Variants in ZNF385D observed in about 807,000 individuals in gnomAD.
ZNF385D encodes the protein zinc finger protein 385D.
Under a neutral mutation model 35.8 loss-of-function variants are expected in ZNF385D, and 15 were observed. That is an observed-to-expected ratio of 0.42 (90% CI 0.28 to 0.64). The LOEUF is 0.64. ZNF385D is among the 30% of genes least tolerant of loss of function. The pLI, the probability that ZNF385D is intolerant of heterozygous loss-of-function variation, is 0.23. For missense variants in ZNF385D, 474 were observed against 494.6 expected (o/e 0.96, Z 0.39); for synonymous variants, 212 against 186.8 (o/e 1.13, Z -1.10).
At chr3:21,708,707 T>C (rs2067994348) in intron 1 of ZNF385D, among the ~76,000 whole-genome samples, 1 of 152,246 alleles carries the variant, frequency 6.6e-6, no homozygotes, top group Admixed American at 6.5e-5. Flanking sequence ...CTCATTCTAA[T>C]ATTTTTATTT....
chr3:22,116,354 T>C (rs1002345324), intron 3 of ZNF385D, among the ~76,000 whole-genome samples: 1 of 152,032 alleles, frequency 6.6e-6, no homozygotes, highest in South Asian at 2.1e-4. Flanking sequence ...ACATACTCCT[T>C]TTTTCCATTA....
chr3:22,173,850 C>G (rs984440408), intron 2 of ZNF385D, among the ~76,000 whole-genome samples: 1 of 152,120 alleles, frequency 6.6e-6, no homozygotes, highest in Non-Finnish European at 1.5e-5. Flanking sequence ...AGAAAAGAAA[C>G]GGTTGAGGGT....
intron 3 of ZNF385D, among the ~76,000 whole-genome samples, chr3:21,792,650 A>G (rs2071978038): frequency 1.3e-5 from 2 of 152,142 alleles, no homozygotes; most frequent in African/African-American, 2.4e-5. Context: ...CCAGGGGGCC[A>G]TGCAGGAGAC....
At chr3:21,668,744 T>C (rs959377884) in intron 1 of ZNF385D, among the ~76,000 whole-genome samples, 4 of 152,170 alleles carry the variant, frequency 2.6e-5, no homozygotes, top group Non-Finnish European at 4.4e-5. Context: ...TATTTGCAAA[T>C]AGTGCAAAAT....
At chr3:21,705,365 G>C (rs2067857769) in intron 1 of ZNF385D, among the ~76,000 whole-genome samples, 1 of 152,134 alleles carries the variant, frequency 6.6e-6, no homozygotes, top group Admixed American at 6.5e-5. Flanking sequence ...AGAAAGGGCA[G>C]CAAGTTCTCC....
At chr3:21,760,301 C>A (rs368605534) in intron 3 of ZNF385D, among the ~76,000 whole-genome samples, 2 of 152,154 alleles carry the variant, frequency 1.3e-5, no homozygotes, top group African/African-American at 4.8e-5. Flanking sequence ...CACAGCCATA[C>A]GTGAATACAA....
At chr3:21,517,686 C>T (rs145866785) in intron 3 of ZNF385D, among the ~76,000 whole-genome samples, 141 of 152,256 alleles carry the variant, frequency 9.3e-4, no homozygotes, top group African/African-American at 3.2e-3. Context: ...GGTAATCTGA[C>T]TAGTTAAGTC....
At chr3:21,777,194 T>A (rs2071321875) in intron 3 of ZNF385D, among the ~76,000 whole-genome samples, 2 of 152,004 alleles carry the variant, frequency 1.3e-5, no homozygotes, top group Non-Finnish European at 2.9e-5. Flanking sequence ...AAAGTTCTGT[T>A]TTGTTTAAAA....
At chr3:22,306,653 G>T (rs1494220) in intron 2 of ZNF385D, among the ~76,000 whole-genome samples, 80,465 of 151,838 alleles carry the variant, frequency 0.53, 21,579 homozygotes, top group South Asian at 0.64. Flanking sequence ...GGAAATACTC[G>T]CTATGTTTCT....
At chr3:21,863,644 T>C (rs980880328) in intron 3 of ZNF385D, among the ~76,000 whole-genome samples, 1 of 152,202 alleles carries the variant, frequency 6.6e-6, no homozygotes, top group Middle Eastern at 3.4e-3. Context: ...CTATGGAAGG[T>C]CTACTGAATA....
chr3:21,421,736 A>G (rs1700749425), intron 7 of ZNF385D, among the ~76,000 whole-genome samples: 1 of 152,174 alleles, frequency 6.6e-6, no homozygotes, highest in Non-Finnish European at 1.5e-5. Context: ...TTCCAGAGGA[A>G]AGTATTCATC....
chr3:21,504,255 A>G (rs1706608097), intron 4 of ZNF385D, among the ~76,000 whole-genome samples: 1 of 152,112 alleles, frequency 6.6e-6, no homozygotes, highest in Non-Finnish European at 1.5e-5. Flanking sequence ...GAGAATCTCA[A>G]AAACCAAAAA....
intron 3 of ZNF385D, among the ~76,000 whole-genome samples, chr3:21,883,324 C>G (rs1473646583): frequency 6.6e-6 from 1 of 151,536 alleles, no homozygotes; most frequent in Non-Finnish European, 1.5e-5. Flanking sequence ...CAACATAAAC[C>G]AACAAATTTC....
chr3:21,904,302 CAAAAA>C (rs548922115), intron 3 of ZNF385D, among the ~76,000 whole-genome samples: 1 of 79,280 alleles, frequency 1.3e-5, no homozygotes, highest in Non-Finnish European at 2.5e-5. Context: ...GACTCCATCT[CAAAAA>C]AAAAAAAAAA....
intron 2 of ZNF385D, among the ~76,000 whole-genome samples, chr3:22,355,845 G>C (rs944615540): frequency 1.3e-5 from 2 of 151,778 alleles, no homozygotes; most frequent in African/African-American, 4.8e-5. Flanking sequence ...AAATTTATCA[G>C]TAGAACATGT....
rs987126972 is a variant in ZNF385D at position 22,253,567 on chromosome 3, T to C, written c.107-84532A>G. On this transcript the variant is annotated intron_variant, in intron 2 of 5. Coordinates refer to the ZNF385D transcript ENST00000494108. ...TTGCCTAATGGTAAGACATGTCACGTTCTCATGACATGATAGGACTCACCA... is the reference window on the plus strand; with the variant it reads ...TTGCCTAATGGTAAGACATGTCACGCTCTCATGACATGATAGGACTCACCA... 4.6e-5 allele frequency among the ~76,000 whole-genome samples: 7 copies of C among 151,960 alleles called. No homozygotes were observed. In the South Asian group the frequency reaches 1.4e-3, roughly 31 times the overall value.
intron 3 of ZNF385D, chr3:21,978,067 G>A (rs1229143653): frequency 1.3e-5 from 2 of 152,162 alleles, no homozygotes; most frequent in Non-Finnish European, 2.9e-5. Flanking sequence ...CAATATATCA[G>A]ACCAGTCTTC....
intron 2 of ZNF385D, among the ~76,000 whole-genome samples, chr3:22,362,753 G>T (rs1696472398): frequency 6.6e-6 from 1 of 152,026 alleles, no homozygotes; most frequent in Admixed American, 6.6e-5. Flanking sequence ...AACACTCCTA[G>T]ATGACAGAAT....
chr3:21,582,617 TAA>T (rs1173809160), intron 2 of ZNF385D, among the ~76,000 whole-genome samples: 4 of 152,128 alleles, frequency 2.6e-5, no homozygotes, highest in African/African-American at 9.7e-5. Flanking sequence ...AAAGGAAGGA[TAA>T]AGTCAAGGAT....
Sources: allele counts gnomAD v4.1 joint callset (sites outside exome capture counted in the v4.1 genomes callset), GRCh38; gene constraint gnomAD v4.1.1; transcripts MANE v1.5; gene names NCBI Gene and HGNC (gene_info 2026-07-23, HGNC 2026-07-21).